Variants in SEC23A observed in about 807,000 individuals in gnomAD.
SEC23A encodes SEC23 homolog A, COPII component, also known as protein transport protein Sec23A.
Under a neutral mutation model 103.7 loss-of-function variants are expected in SEC23A, and 56 were observed. The ratio of observed to expected loss-of-function variants is 0.54; its 90% confidence interval spans 0.44 to 0.67. The LOEUF (loss-of-function observed/expected upper bound fraction) is 0.67. Ranked by LOEUF, SEC23A falls within the 30% of genes least tolerant of loss-of-function variation. The probability of loss-of-function intolerance (pLI) is 0.00; values close to 1 mark genes in which losing one functional copy is unlikely to be tolerated. For synonymous variants in SEC23A, 281 were observed against 293.0 expected (o/e 0.96, Z 0.42); for missense variants, 784 against 936.4 (o/e 0.84, Z 2.12).
chr14:39,099,154 G>GTTT (rs35763261), intron 1 of SEC23A, among the ~76,000 whole-genome samples: 12 of 83,658 alleles, frequency 1.4e-4, no homozygotes, highest in Admixed American at 3.2e-4. Context: ...TTGTTTTTGG[G>GTTT]TTTTTTTTTT....
chr14:39,038,300 T>C (rs558527556), intron 19 of SEC23A, among the ~76,000 whole-genome samples: 2 of 152,354 alleles, frequency 1.3e-5, no homozygotes, highest in East Asian at 1.9e-4. Flanking sequence ...CCTCTTGCCA[T>C]CTTCCTCTTC....
At chr14:39,060,976 G>C (rs1332142536) in intron 13 of SEC23A, among the ~76,000 whole-genome samples, 2 of 152,180 alleles carry the variant, frequency 1.3e-5, no homozygotes, top group African/African-American at 4.8e-5. Flanking sequence ...ACAAGTGCTA[G>C]TCAAAGTGTG....
intron 19 of SEC23A, among the ~76,000 whole-genome samples, chr14:39,034,552 T>G (rs1189565886): frequency 6.6e-6 from 1 of 152,224 alleles, no homozygotes; most frequent in African/African-American, 2.4e-5. Flanking sequence ...GCTCTTACTT[T>G]TTTCTTCCTG....
At chr14:39,100,220 T>A (rs1342552221) in intron 1 of SEC23A, among the ~76,000 whole-genome samples, 2 of 152,140 alleles carry the variant, frequency 1.3e-5, no homozygotes, top group Non-Finnish European at 2.9e-5. Context: ...CAGCAGTAGT[T>A]TGAAGAAAAT....
At chr14:39,094,418 A>T in intron 2 of SEC23A, among the ~76,000 whole-genome samples, 2 of 59,264 alleles carry the variant, frequency 3.4e-5, no homozygotes, top group African/African-American at 1.4e-4. Context: ...ATATATATAT[A>T]TATATATATA....
chr14:39,061,843 C>T lies in SEC23A; in HGVS notation c.1427G>A (p.Arg476His), dbSNP rs144799352. Residue 476 changes from arginine (R) to histidine (H), a missense_variant, in exon 13 of 20, where the codon CGT becomes CAT. Physicochemically the swap from Arg to His is conservative, Grantham distance 29 (BLOSUM62 0). Transcript: ENST00000307712. ...CTGAGTCACAAACTGGATTGCACCA[C>T]GCCCTCCTTGAGGAATTGGAGCATT... ...QHNAPIPQGGRGAIQFVTQYQ... is the reference protein window; with the variant it reads ...QHNAPIPQGGHGAIQFVTQYQ... The T allele has an allele frequency of 8.1e-5, 130 of 1,613,754 alleles. No individual in the cohort carries two copies. In the African/African-American group the frequency reaches 1.0e-3, roughly 13 times the overall value.
intron 7 of SEC23A, among the ~76,000 whole-genome samples, chr14:39,085,110 C>T (rs557703537): frequency 1.3e-5 from 2 of 152,292 alleles, no homozygotes; most frequent in East Asian, 3.9e-4. Flanking sequence ...GGATAATGGC[C>T]AGTGATGTAA....
intron 1 of SEC23A, among the ~76,000 whole-genome samples, chr14:39,097,758 A>G (rs1887937475): frequency 6.6e-6 from 1 of 152,204 alleles, no homozygotes; most frequent in African/African-American, 2.4e-5. Context: ...CATAAAGGGT[A>G]AAGAGAAATC....
intron 7 of SEC23A, among the ~76,000 whole-genome samples, chr14:39,085,500 A>C (rs551392587): frequency 2.6e-5 from 4 of 152,236 alleles, no homozygotes; most frequent in African/African-American, 9.6e-5. Flanking sequence ...AATCTGTGAG[A>C]TGTGATGTTA....
intron 15 of SEC23A, among the ~76,000 whole-genome samples, chr14:39,047,159 C>T (rs181659845): frequency 2.3e-4 from 35 of 152,234 alleles, no homozygotes; most frequent in African/African-American, 7.7e-4. Context: ...AAAAAGTATT[C>T]CAGGGTCCTC....
intron 14 of SEC23A, among the ~76,000 whole-genome samples, chr14:39,050,415 T>C (rs149490461): frequency 1.0e-3 from 159 of 152,268 alleles, no homozygotes; most frequent in African/African-American, 3.7e-3. Flanking sequence ...GCGGTATCTG[T>C]AAAAACAGTA....
At chr14:39,099,190 C>T (rs997564935) in intron 1 of SEC23A, among the ~76,000 whole-genome samples, 2 of 124,852 alleles carry the variant, frequency 1.6e-5, no homozygotes. Flanking sequence ...CACGGAGTCT[C>T]ACTCTGTCAC....
intron 5 of SEC23A, among the ~76,000 whole-genome samples, chr14:39,090,203 T>C (rs534614154): frequency 5.8e-4 from 89 of 152,202 alleles, no homozygotes; most frequent in Non-Finnish European, 8.5e-4. Flanking sequence ...TGATTTTACA[T>C]CTGTCAACTT....
At chr14:39,041,784 G>C (rs956696940) in intron 17 of SEC23A, among the ~76,000 whole-genome samples, 1 of 150,676 alleles carries the variant, frequency 6.6e-6, no homozygotes, top group East Asian at 2.0e-4. Context: ...CAGGAGAATC[G>C]CTGGAACCCG....
chr14:39,063,379 A>G lies in SEC23A; in HGVS notation c.1343T>C (p.Ile448Thr). Residue 448 changes from isoleucine to threonine, a missense_variant, in exon 12 of 20, where the codon ATA becomes ACA. Around this residue, in one of 2 missense-constraint regions of SEC23A, gnomAD observed 683 missense variants for 774.2 expected, o/e 0.88. Coordinates refer to ENST00000307712, the MANE Select transcript of SEC23A (RefSeq NM_006364.4). ...IGTGGTCQWK[I>T]CGLSPTTTLA... is the part of the protein sequence containing the mutation. ...GGTTGTAGTGGGACTAAGTCCACAT[A>G]TCTTCCACTGACATGTGCCACCTGT... The G allele has an allele frequency of 3.7e-6, 6 of 1,612,178 alleles. No individual in the cohort carries two copies. The highest frequency in any genetic ancestry group is 5.1e-6 in the Non-Finnish European group (6 of 1,178,396).
intron 7 of SEC23A, among the ~76,000 whole-genome samples, chr14:39,079,470 T>C (rs946186587): frequency 6.6e-6 from 1 of 152,206 alleles, no homozygotes; most frequent in Admixed American, 6.5e-5. Flanking sequence ...TTTTTCAACC[T>C]ACACTACAGC....
At chr14:39,086,704 A>C (rs1031022693) in intron 6 of SEC23A, among the ~76,000 whole-genome samples, 1 of 152,256 alleles carries the variant, frequency 6.6e-6, no homozygotes, top group Non-Finnish European at 1.5e-5. Context: ...ATAAAAAATA[A>C]GGAAAATAAC....
At chr14:39,073,930 C>T (rs8014729) in intron 9 of SEC23A, among the ~76,000 whole-genome samples, 116,996 of 151,870 alleles carry the variant, frequency 0.77, 45,423 homozygotes, top group East Asian at 0.89. Flanking sequence ...TTATAAAATA[C>T]CCAGAACAGG....
At chr14:39,089,878 C>A (rs1887597656) in intron 5 of SEC23A, among the ~76,000 whole-genome samples, 3 of 152,356 alleles carry the variant, frequency 2.0e-5, no homozygotes, top group Admixed American at 2.0e-4. Flanking sequence ...ATAGCTTGAA[C>A]CCGGGAGGCG....
Sources: gnomAD v4.1 joint callset for allele counts (sites outside exome capture counted in the v4.1 genomes callset) on GRCh38, gnomAD v4.1.1 for gene constraint, gnomAD v4.1.1 regional missense constraint, MANE v1.5 for transcripts, NCBI Gene and HGNC (gene_info 2026-07-23, HGNC 2026-07-21) for gene names.